TBC1D1: variants seen among roughly 807,000 people sequenced by gnomAD.
TBC1D1 encodes the protein TBC1 (tre-2/USP6, BUB2, cdc16) domain family, member 1.
In TBC1D1, 89 loss-of-function variants were observed where a neutral mutation model predicts 125.6. The ratio of observed to expected loss-of-function variants is 0.71; its 90% CI spans 0.60 to 0.85. The LOEUF (loss-of-function observed/expected upper bound fraction) is 0.85. Among genes scored for constraint, TBC1D1 ranks in the 40% least tolerant of loss-of-function variants. TBC1D1 has a pLI of 0.00. For missense variants in TBC1D1, 1,377 were observed against 1,469.2 expected (o/e 0.94, Z 1.03); for synonymous variants, 565 against 564.1 (o/e 1.00, Z -0.02).
At chr4:38,097,345 T>G (rs1441272508) in intron 14 of TBC1D1, among the ~76,000 whole-genome samples, 1 of 149,844 alleles carries the variant, frequency 6.7e-6, no homozygotes, top group Non-Finnish European at 1.5e-5. Flanking sequence ...TGTGGGTTTT[T>G]TTTTTTTTTT....
intron 12 of TBC1D1, among the ~76,000 whole-genome samples, chr4:38,069,831 C>A (rs1321414970): frequency 6.6e-6 from 1 of 151,932 alleles, no homozygotes; most frequent in Non-Finnish European, 1.5e-5. Flanking sequence ...TTGTCCAACC[C>A]GCGGCCTGCT....
intron 10 of TBC1D1, among the ~76,000 whole-genome samples, chr4:38,046,267 G>A (rs904347180): frequency 3.3e-5 from 5 of 152,042 alleles, no homozygotes; most frequent in African/African-American, 1.2e-4. Flanking sequence ...AGCTACTCGG[G>A]AGGCTGAGGC....
chr4:37,983,001 C>G (rs1734667339), intron 2 of TBC1D1, among the ~76,000 whole-genome samples: 1 of 152,032 alleles, frequency 6.6e-6, no homozygotes, highest in South Asian at 2.1e-4. Flanking sequence ...AGCGAGACTG[C>G]TGGGGGGAGT....
intron 18 of TBC1D1, among the ~76,000 whole-genome samples, chr4:38,125,645 C>T (rs1418586080): frequency 6.6e-6 from 1 of 151,994 alleles, no homozygotes; most frequent in East Asian, 1.9e-4. Flanking sequence ...ATATCTGTGG[C>T]TTCATTACCT....
At chr4:38,002,130 T>C (rs1357618715) in intron 2 of TBC1D1, among the ~76,000 whole-genome samples, 1 of 152,158 alleles carries the variant, frequency 6.6e-6, no homozygotes, top group African/African-American at 2.4e-5. Context: ...GGGTGTGTGA[T>C]TGAGATGCTG....
chr4:37,917,371 A>T (rs1054508551), intron 2 of TBC1D1, among the ~76,000 whole-genome samples: 1 of 152,092 alleles, frequency 6.6e-6, no homozygotes, highest in African/African-American at 2.4e-5. Context: ...GCTACTCGGG[A>T]GGCTGAGGCA....
chr4:38,042,369 C>T (rs981443824), intron 8 of TBC1D1, among the ~76,000 whole-genome samples: 2 of 152,006 alleles, frequency 1.3e-5, no homozygotes, highest in African/African-American at 4.8e-5. Flanking sequence ...ATTCTCCTGC[C>T]TCAGCCTCCC....
chr4:37,964,902 AG>A (rs1730782267), intron 2 of TBC1D1, among the ~76,000 whole-genome samples: 1 of 152,228 alleles, frequency 6.6e-6, no homozygotes, highest in Non-Finnish European at 1.5e-5. Context: ...TGCTATTGGC[AG>A]GAAGCTGCCA....
intron 13 of TBC1D1, among the ~76,000 whole-genome samples, chr4:38,095,713 G>GA (rs1759207415): frequency 6.6e-6 from 1 of 152,194 alleles, no homozygotes; most frequent in Admixed American, 6.5e-5. Context: ...TGTTGGGGGT[G>GA]AAGGGGTAAG....
Position 38,050,063 on chromosome 4 carries a change from G to C in TBC1D1, c.1910+165G>C, listed in dbSNP as rs181236679. On this transcript the variant is annotated intron_variant, in intron 11 of 19. Coordinates refer to ENST00000261439, the MANE Select transcript of TBC1D1 (RefSeq NM_015173.4). ...TGACATGTTCGTTCGAGCTGCTTGT[G>C]AGTATACAAGCAATGGGTACTTGTA... is the stretch of plus-strand genomic sequence containing the variant. 2.0e-3 allele frequency among the ~76,000 whole-genome samples: 299 copies of C among 152,324 alleles called. 5 individuals carry two copies. Among genetic ancestry groups the C allele is most frequent in the African/African-American group, 6.8e-3 (284 of 41,568 alleles).
intron 14 of TBC1D1, among the ~76,000 whole-genome samples, chr4:38,098,461 G>T (rs1233902203): frequency 6.6e-6 from 1 of 152,168 alleles, no homozygotes; most frequent in Non-Finnish European, 1.5e-5. Context: ...ATTTTGTGGG[G>T]GCTAATAGAA....
Position 38,054,309 on chromosome 4 carries a change from A to C in TBC1D1, c.2021A>C (p.Lys674Thr). 6.2e-7 allele frequency: 1 copy of C among 1,614,176 alleles called. No homozygotes were observed. The highest frequency in any genetic ancestry group is 1.1e-5 in the South Asian group (1 of 91,086). The change falls in exon 12 of 20, where the codon AAG becomes ACG. Residue 674 changes from lysine to threonine, a missense_variant. This residue lies in a region of TBC1D1 where 543 missense variants were observed against 613.5 expected (regional missense o/e 0.89). Transcript: ENST00000261439. ...TTCCTCCGAGTAGCCACCCCGCAGAAGGCGTGCGATTCTTCCAGCAGATAT... is the reference window on the plus strand; with the variant it reads ...TTCCTCCGAGTAGCCACCCCGCAGACGGCGTGCGATTCTTCCAGCAGATAT...
rs1182627406 is a variant in TBC1D1 at position 38,115,970 on chromosome 4, T to A, written c.2802+16T>A. On this transcript the variant is annotated intron_variant, in intron 16 of 19. Transcript: ENST00000261439. ...TATTTTACAGGTATAGAGTGTTCCTTATGTCTTTAATACAACAAAATGCTA... is the reference window on the plus strand; with the variant it reads ...TATTTTACAGGTATAGAGTGTTCCTAATGTCTTTAATACAACAAAATGCTA... 1 of 1,610,834 alleles carries A rather than the reference T, an allele frequency of 6.2e-7. No individual in the cohort carries two copies. Among genetic ancestry groups the A allele is most frequent in the East Asian group, 2.2e-5 (1 of 44,842 alleles).
chr4:37,934,407 T>C (rs1723944623), intron 2 of TBC1D1, among the ~76,000 whole-genome samples: 1 of 151,984 alleles, frequency 6.6e-6, no homozygotes, highest in Admixed American at 6.5e-5. Flanking sequence ...TAGCCAGAAA[T>C]GTATCCACGA....
chr4:38,015,245 G>A (rs1327838011), intron 3 of TBC1D1, among the ~76,000 whole-genome samples: 2 of 152,090 alleles, frequency 1.3e-5, no homozygotes, highest in African/African-American at 4.8e-5. Flanking sequence ...CAGTGAAAAC[G>A]TGTAAATGAG....
intron 17 of TBC1D1, among the ~76,000 whole-genome samples, chr4:38,118,825 A>G (rs1304989638): frequency 1.3e-5 from 2 of 152,238 alleles, no homozygotes; most frequent in African/African-American, 4.8e-5. Flanking sequence ...GGTGGTTCAC[A>G]TGTAAAACCT....
intron 2 of TBC1D1, among the ~76,000 whole-genome samples, chr4:37,940,872 C>G (rs1353969310): frequency 1.3e-4 from 20 of 152,094 alleles, no homozygotes; most frequent in Non-Finnish European, 2.8e-4. Flanking sequence ...CAGGGATGAA[C>G]CCCACTTGAT....
At chr4:38,135,872 A>G (rs541867557) in intron 19 of TBC1D1, among the ~76,000 whole-genome samples, 18 of 129,438 alleles carry the variant, frequency 1.4e-4, no homozygotes, top group Admixed American at 7.3e-4. Flanking sequence ...GTGTATATAT[A>G]TGTGTGTGTG....
At chr4:37,900,679 A>G (rs1028259816) in intron 1 of TBC1D1, among the ~76,000 whole-genome samples, 1 of 152,208 alleles carries the variant, frequency 6.6e-6, no homozygotes, top group East Asian at 1.9e-4. Flanking sequence ...TGAGTAAAGA[A>G]TAGGGCTTGA....
Sources: gnomAD v4.1 joint callset for allele counts (sites outside exome capture counted in the v4.1 genomes callset) on GRCh38, gnomAD v4.1.1 for gene constraint, gnomAD v4.1.1 regional missense constraint, MANE v1.5 for transcripts, NCBI Gene and HGNC (gene_info 2026-07-23, HGNC 2026-07-21) for gene names.